RERE: variants seen among roughly 807,000 people sequenced by gnomAD.
RERE encodes arginine-glutamic acid dipeptide repeats protein.
In RERE, 40 loss-of-function variants were observed where a neutral mutation model predicts 146.1. The observed-to-expected ratio is 0.27, with a 90% CI of 0.21 to 0.36. The LOEUF (loss-of-function observed/expected upper bound fraction) is 0.36. RERE is among the 10% of genes least tolerant of loss of function. The pLI is 1.00. For missense variants in RERE, 1,933 were observed against 2,138.7 expected (o/e 0.90, Z 1.90); for synonymous variants, 1,003 against 866.0 (o/e 1.16, Z -2.78).
In RERE at chr1:8,352,686, A is replaced by C. The variant is rs1465784166; in HGVS notation, c.*2401T>G. 6.6e-6 allele frequency: 1 copy of C among 152,324 alleles called. No homozygotes were observed. Among genetic ancestry groups the C allele is most frequent in the Non-Finnish European group, 1.5e-5 (1 of 68,046 alleles). The allele number at this position is 152,324 out of a possible 1,614,324, so 9.4% of individuals were successfully genotyped here. On this transcript the variant is annotated 3_prime_UTR_variant, in exon 23 of 23. Transcript: ENST00000400908. ...AGGAGCCAAACCAAACCCCGAACAAAGGGAGGAAAATCCGAAGGAAACCGA... is the reference window on the plus strand; with the variant it reads ...AGGAGCCAAACCAAACCCCGAACAACGGGAGGAAAATCCGAAGGAAACCGA...
chr1:8,467,103 TC>T (rs1245081004), intron 10 of RERE, among the ~76,000 whole-genome samples: 4 of 152,298 alleles, frequency 2.6e-5, no homozygotes, highest in East Asian at 3.9e-4. Flanking sequence ...CTTGCTAACT[TC>T]CTAAATAAAA....
chr1:8,606,281 C>T (rs1646707658), intron 4 of RERE, among the ~76,000 whole-genome samples: 1 of 152,062 alleles, frequency 6.6e-6, no homozygotes, highest in African/African-American at 2.4e-5. Context: ...ATTCTATCTA[C>T]TTTTAATGTC....
At chr1:8,555,929 G>C (rs1015079861) in intron 6 of RERE, among the ~76,000 whole-genome samples, 2 of 152,112 alleles carry the variant, frequency 1.3e-5, no homozygotes, top group African/African-American at 4.8e-5. Flanking sequence ...AAATTTTTCA[G>C]ACATACAGAA....
intron 6 of RERE, among the ~76,000 whole-genome samples, chr1:8,543,867 T>C (rs547983480): frequency 6.6e-6 from 1 of 152,370 alleles, no homozygotes; most frequent in Non-Finnish European, 1.5e-5. Context: ...AAATGGGATT[T>C]TTCTCTACCA....
chr1:8,413,057 G>A (rs1269393127), intron 12 of RERE, among the ~76,000 whole-genome samples: 1 of 152,100 alleles, frequency 6.6e-6, no homozygotes, highest in Non-Finnish European at 1.5e-5. Context: ...CACGTCTTAG[G>A]ACCATTAATT....
intron 12 of RERE, among the ~76,000 whole-genome samples, chr1:8,387,983 C>CA (rs1485248512): frequency 2.6e-5 from 4 of 152,080 alleles, no homozygotes; most frequent in Non-Finnish European, 5.9e-5. Flanking sequence ...TATGCAACAG[C>CA]AAAACACTGG....
At chr1:8,405,024 C>A (rs1050561470) in intron 12 of RERE, among the ~76,000 whole-genome samples, 1 of 151,840 alleles carries the variant, frequency 6.6e-6, no homozygotes, top group South Asian at 2.1e-4. Flanking sequence ...CTTTTTGGGG[C>A]GTGGGGGAGG....
intron 1 of RERE, among the ~76,000 whole-genome samples, chr1:8,800,839 C>T (rs781507479): frequency 1.3e-4 from 20 of 152,122 alleles, no homozygotes; most frequent in Non-Finnish European, 2.2e-4. Context: ...GTGGCACACG[C>T]CTGTAGTCCC....
chr1:8,593,325 ATGTGT>A (rs1646516751), intron 4 of RERE, among the ~76,000 whole-genome samples: 1 of 152,104 alleles, frequency 6.6e-6, no homozygotes, highest in African/African-American at 2.4e-5. Flanking sequence ...CATAATTCCC[ATGTGT>A]TGTGGGAAAG....
rs748616899 is a variant in RERE at position 8,656,063 on chromosome 1, G to C, written c.235C>G (p.Pro79Ala). The C allele has an allele frequency of 4.3e-6, 7 of 1,613,818 alleles. No homozygotes were observed. Among genetic ancestry groups the C allele is most frequent in the African/African-American group, 1.3e-5 (1 of 74,934 alleles). The change falls in exon 2 of 23, where the codon CCA becomes GCA. Residue 79 changes from proline (P) to alanine (A), a missense_variant. Around this residue, in one of 11 missense-constraint regions of RERE, gnomAD observed 107 missense variants for 119.7 expected, o/e 0.89. Coordinates refer to ENST00000400908, the MANE Select transcript of RERE (RefSeq NM_001042681.2). The stretch of plus-strand genomic sequence containing the variant: ...TCATAACGAGACTTTTTTTTCGGTG[G>C]TTTCTTCTTATTCTTCTTCGTGGAC... ...EESTKKNKKK[P>A]PKKKSRYERT... is the part of the protein sequence containing the mutation.
intron 1 of RERE, among the ~76,000 whole-genome samples, chr1:8,768,600 A>AT (rs1640889789): frequency 6.6e-6 from 1 of 152,240 alleles, no homozygotes; most frequent in South Asian, 2.1e-4. Flanking sequence ...TTAAATAGTC[A>AT]TATGAGGGTA....
At chr1:8,463,280 C>G (rs2124116786) in intron 11 of RERE, among the ~76,000 whole-genome samples, 1 of 152,290 alleles carries the variant, frequency 6.6e-6, no homozygotes, top group Admixed American at 6.5e-5. Flanking sequence ...TGAGGCTCTA[C>G]AAGGGCTGGA....
intron 1 of RERE, among the ~76,000 whole-genome samples, chr1:8,709,582 T>A (rs1258837087): frequency 1.3e-5 from 2 of 152,332 alleles, no homozygotes; most frequent in East Asian, 3.9e-4. Flanking sequence ...ACTTGTTGAT[T>A]TTTTGTCACA....
chr1:8,810,282 G>A (rs1641781369), intron 1 of RERE, among the ~76,000 whole-genome samples: 3 of 151,564 alleles, frequency 2.0e-5, no homozygotes, highest in South Asian at 4.2e-4. Flanking sequence ...TTACAGGCAT[G>A]AGCCACCGCG....
At chr1:8,729,217 ATTTT>A (rs1173630956) in intron 1 of RERE, among the ~76,000 whole-genome samples, 5 of 100,450 alleles carry the variant, frequency 5.0e-5, no homozygotes, top group African/African-American at 1.4e-4. Context: ...AGCTACACCG[ATTTT>A]TTTTTTTTTT....
chr1:8,803,976 G>A (rs148901343), intron 1 of RERE, among the ~76,000 whole-genome samples: 1 of 152,262 alleles, frequency 6.6e-6, no homozygotes, highest in African/African-American at 2.4e-5. Context: ...AAAGAAACAT[G>A]TAGATGTTTT....
chr1:8,532,202 C>T lies in RERE; in HGVS notation c.830+9012G>A, dbSNP rs76859958. 9.7e-3 allele frequency among the ~76,000 whole-genome samples: 1,475 copies of T among 152,244 alleles called. 26 individuals carry two copies. The highest frequency in any genetic ancestry group is 0.034 in the African/African-American group (1,431 of 41,524). On this transcript the variant is annotated intron_variant, in intron 7 of 22. Coordinates refer to ENST00000400908, the MANE Select transcript of RERE (RefSeq NM_001042681.2). ...GGACATGCATATTTACCTTGCTAGA[C>T]TCCGTTTGTTAACATTTCATTTAAA...
intron 2 of RERE, among the ~76,000 whole-genome samples, chr1:8,637,619 C>CCTTA (rs1647118564): frequency 6.6e-6 from 1 of 152,132 alleles, no homozygotes; most frequent in African/African-American, 2.4e-5. Flanking sequence ...CTTTCCACAC[C>CCTTA]CTTAACCCGG....
intron 11 of RERE, among the ~76,000 whole-genome samples, chr1:8,433,031 G>C (rs1430420017): frequency 6.6e-6 from 1 of 152,076 alleles, no homozygotes; most frequent in Non-Finnish European, 1.5e-5. Flanking sequence ...TTAAACTCTT[G>C]AAATAAAAGC....
Sources: allele counts gnomAD v4.1 joint callset (sites outside exome capture counted in the v4.1 genomes callset), GRCh38; gene constraint gnomAD v4.1.1; regional missense constraint gnomAD v4.1.1; transcripts MANE v1.5; gene names NCBI Gene and HGNC (gene_info 2026-07-23, HGNC 2026-07-21).